INPP4B: variants seen among roughly 807,000 people sequenced by gnomAD.
The protein encoded by INPP4B is inositol polyphosphate 4-phosphatase type II.
INPP4B carries 55 observed loss-of-function variants against 122.5 expected under a neutral mutation model. The ratio of observed to expected loss-of-function variants is 0.45; its 90% CI spans 0.36 to 0.56. INPP4B has a LOEUF of 0.56. Ranked by LOEUF, INPP4B falls within the 20% of genes least tolerant of loss-of-function variation. INPP4B has a pLI of 0.00. For synonymous variants in INPP4B, 403 were observed against 388.7 expected, an observed-to-expected ratio of 1.04 and a Z score of -0.43; for missense variants, 1,000 against 1,097.7, an observed-to-expected ratio of 0.91 and a Z score of 1.26.
chr4:142,585,875 T>TATTATC (rs1736080525), intron 2 of INPP4B, among the ~76,000 whole-genome samples: 2 of 149,012 alleles, frequency 1.3e-5, no homozygotes, highest in Non-Finnish European at 3.0e-5. Context: ...TTATTATTAT[T>TATTATC]ATACTTTAAG....
At chr4:142,331,637 G>T (rs1410744001) in intron 7 of INPP4B, among the ~76,000 whole-genome samples, 1 of 152,092 alleles carries the variant, frequency 6.6e-6, no homozygotes, top group African/African-American at 2.4e-5. Flanking sequence ...CTATCTATTC[G>T]ATCAGATTCC....
chr4:142,677,172 A>C (rs186670666), intron 2 of INPP4B, among the ~76,000 whole-genome samples: 1 of 152,308 alleles, frequency 6.6e-6, no homozygotes, highest in African/African-American at 2.4e-5. Context: ...CCCATCAAAA[A>C]GTGGGCAAAG....
At chr4:142,837,902 G>A (rs1363758183) in intron 1 of INPP4B, among the ~76,000 whole-genome samples, 3 of 152,106 alleles carry the variant, frequency 2.0e-5, no homozygotes, top group Non-Finnish European at 4.4e-5. Context: ...ATCACAGTGT[G>A]ATAGCAAAAA....
Position 142,060,506 on chromosome 4 carries a change from T to A in INPP4B, c.2642+21525A>T, listed in dbSNP as rs995719715. 2.6e-5 allele frequency among the ~76,000 whole-genome samples: 4 copies of A among 152,280 alleles called. No homozygotes were observed. In the South Asian group the frequency reaches 8.3e-4, roughly 32 times the overall value. On this transcript the variant is annotated intron_variant, in intron 25 of 25. Transcript: ENST00000262992. ...GTCATGCATTTTATGGATCCAGGAATAAAGAAATGAATGTAAATTTATCAG... is the reference window on the plus strand; with the variant it reads ...GTCATGCATTTTATGGATCCAGGAAAAAAGAAATGAATGTAAATTTATCAG...
chr4:142,031,257 A>G (rs573248327), intron 25 of INPP4B, among the ~76,000 whole-genome samples: 1 of 152,262 alleles, frequency 6.6e-6, no homozygotes, highest in East Asian at 1.9e-4. Flanking sequence ...TAGCTCTTCT[A>G]TGTTTTCAGG....
intron 7 of INPP4B, among the ~76,000 whole-genome samples, chr4:142,315,283 C>T (rs986531346): frequency 2.0e-5 from 3 of 152,224 alleles, no homozygotes; most frequent in East Asian, 1.9e-4. Context: ...AGCGCCCACA[C>T]TCATGCTTCT....
intron 2 of INPP4B, among the ~76,000 whole-genome samples, chr4:142,590,598 T>C (rs1397224974): frequency 6.6e-6 from 1 of 152,244 alleles, no homozygotes; most frequent in East Asian, 1.9e-4. Flanking sequence ...GATTACAGAT[T>C]AGCAACAGGA....
At chr4:142,803,974 G>A (rs559412944) in intron 1 of INPP4B, among the ~76,000 whole-genome samples, 7 of 151,846 alleles carry the variant, frequency 4.6e-5, no homozygotes, top group East Asian at 3.9e-4. Context: ...CAGGAGAATC[G>A]CTTGAACCCG....
intron 2 of INPP4B, among the ~76,000 whole-genome samples, chr4:142,640,251 G>T (rs1560904198): frequency 6.6e-6 from 1 of 151,644 alleles, no homozygotes; most frequent in East Asian, 1.9e-4. Flanking sequence ...AAATGCTCTT[G>T]AAAAAAAGGG....
At chr4:142,820,599 C>G (rs1780682384) in intron 1 of INPP4B, among the ~76,000 whole-genome samples, 2 of 152,108 alleles carry the variant, frequency 1.3e-5, no homozygotes, top group Non-Finnish European at 2.9e-5. Flanking sequence ...AAAATCCTTC[C>G]TCATTTTGAG....
intron 2 of INPP4B, among the ~76,000 whole-genome samples, chr4:142,526,551 G>A (rs1319457441): frequency 6.6e-6 from 1 of 152,016 alleles, no homozygotes; most frequent in Non-Finnish European, 1.5e-5. Context: ...AGACATCAGA[G>A]ATAAGTTAAT....
At chr4:142,333,717 A>AT (rs139407183) in intron 7 of INPP4B, among the ~76,000 whole-genome samples, 12,655 of 151,742 alleles carry the variant, frequency 0.083, 662 homozygotes, top group Middle Eastern at 0.11. Flanking sequence ...CAATGAGTTC[A>AT]TTTTTTTTCC....
intron 2 of INPP4B, among the ~76,000 whole-genome samples, chr4:142,553,469 T>G (rs1728448161): frequency 6.6e-6 from 1 of 152,200 alleles, no homozygotes; most frequent in South Asian, 2.1e-4. Context: ...CTTGGCTTTA[T>G]GATTTTGTGA....
At chr4:142,497,889 C>A (rs562707099) in intron 2 of INPP4B, among the ~76,000 whole-genome samples, 1 of 152,084 alleles carries the variant, frequency 6.6e-6, no homozygotes, top group African/African-American at 2.4e-5. Flanking sequence ...TGAAAAAAAT[C>A]ATTTCAAAAA....
chr4:142,557,410 C>G (rs996926558), intron 2 of INPP4B, among the ~76,000 whole-genome samples: 1 of 152,118 alleles, frequency 6.6e-6, no homozygotes, highest in Non-Finnish European at 1.5e-5. Flanking sequence ...GACGCACAGA[C>G]CTTGAAGTTC....
chr4:142,029,511 A>G, intron 25 of INPP4B: 1 of 985,698 alleles, frequency 1.0e-6, no homozygotes, highest in Non-Finnish European at 1.2e-6. Context: ...TCAAGACACA[A>G]ACAAGACCTT....
intron 1 of INPP4B, among the ~76,000 whole-genome samples, chr4:142,753,915 A>G (rs975388307): frequency 6.6e-6 from 1 of 152,058 alleles, no homozygotes; most frequent in Non-Finnish European, 1.5e-5. Context: ...TGAAATCTCA[A>G]GTATAATTCT....
intron 2 of INPP4B, among the ~76,000 whole-genome samples, chr4:142,663,118 G>A (rs1017729540): frequency 6.6e-6 from 1 of 152,144 alleles, no homozygotes; most frequent in Non-Finnish European, 1.5e-5. Flanking sequence ...AGCATAGATG[G>A]AGGTGAAAGT....
At chr4:142,732,117 G>C (rs934841536) in intron 1 of INPP4B, among the ~76,000 whole-genome samples, 1 of 151,994 alleles carries the variant, frequency 6.6e-6, no homozygotes, top group Admixed American at 6.6e-5. Flanking sequence ...AGATAAAAAA[G>C]AACTTAAACT....
Sources: gnomAD v4.1 joint callset for allele counts (sites outside exome capture counted in the v4.1 genomes callset) on GRCh38, gnomAD v4.1.1 for gene constraint, MANE v1.5 for transcripts, NCBI Gene and HGNC (gene_info 2026-07-23, HGNC 2026-07-21) for gene names.